Variants in AGBL1 observed in about 807,000 individuals in gnomAD.
AGBL1 encodes the protein AGBL carboxypeptidase 1.
In AGBL1, 130 loss-of-function variants were observed where a neutral mutation model predicts 118.9. That is an observed-to-expected ratio of 1.09 (90% CI 0.95 to 1.26). AGBL1 has a LOEUF of 1.26. AGBL1 is among the 50% of genes most tolerant of loss of function. The probability of loss-of-function intolerance (pLI) is 0.00; values close to 1 mark genes in which losing one functional copy is unlikely to be tolerated. For synonymous variants in AGBL1, 555 were observed against 478.9 expected (o/e 1.16, Z -2.08); for missense variants, 1,584 against 1,298.1 (o/e 1.22, Z -3.38).
intron 21 of AGBL1, among the ~76,000 whole-genome samples, chr15:86,655,154 C>T (rs545287551): frequency 1.6e-4 from 25 of 152,226 alleles, no homozygotes; most frequent in South Asian, 2.1e-4. Flanking sequence ...TTCCAATCTC[C>T]GGAAATGCAT....
At chr15:86,985,290 T>G (rs2141729515) in intron 23 of AGBL1, among the ~76,000 whole-genome samples, 1 of 152,314 alleles carries the variant, frequency 6.6e-6, no homozygotes, top group South Asian at 2.1e-4. Context: ...TGGTAGGTTG[T>G]GTTTAACTTA....
chr15:86,228,011 A>C (rs953583120), intron 6 of AGBL1, among the ~76,000 whole-genome samples: 1 of 152,214 alleles, frequency 6.6e-6, no homozygotes, highest in African/African-American at 2.4e-5. Context: ...AAGTAATAAC[A>C]GCATGCTAGG....
intron 5 of AGBL1, among the ~76,000 whole-genome samples, chr15:86,183,510 C>A (rs2141802083): frequency 6.6e-6 from 1 of 152,206 alleles, no homozygotes; most frequent in South Asian, 2.1e-4. Context: ...TTTCACCACA[C>A]CATGCTGTAG....
At chr15:86,872,878 A>G (rs1372901269) in intron 22 of AGBL1, among the ~76,000 whole-genome samples, 5 of 152,236 alleles carry the variant, frequency 3.3e-5, no homozygotes, top group Admixed American at 6.5e-5. Context: ...ACTTAGTTAT[A>G]TATACACAGC....
At chr15:86,861,905 G>C (rs990874364) in intron 22 of AGBL1, among the ~76,000 whole-genome samples, 2 of 152,184 alleles carry the variant, frequency 1.3e-5, no homozygotes, top group Non-Finnish European at 2.9e-5. Context: ...GATAGCAATA[G>C]CTCATAGACA....
chr15:86,191,668 G>T lies in AGBL1; in HGVS notation c.488+32642G>T, dbSNP rs1023262264. Among the ~76,000 whole-genome samples the T allele has an allele frequency of 4.6e-5, 7 of 151,758 alleles. No individual in the cohort carries two copies. The East Asian group carries it at 9.7e-4, about 21-fold the overall frequency. ...TACCAGAGTGGCCTTAGAAATCCTG[G>T]GTCAGGCATCCTTCACTTGCCTCTG... On this transcript the variant is annotated intron_variant, in intron 5 of 22. Coordinates refer to ENST00000614907, the MANE Select transcript of AGBL1 (RefSeq NM_001386094.1).
chr15:86,827,470 C>CATATATATATATATATATATATATATAT lies in AGBL1; in HGVS notation c.3159-79603_3159-79602insATATATATATATATATATATATATATAT, dbSNP rs1167706343. On this transcript the variant is annotated intron_variant, in intron 22 of 22. Coordinates refer to ENST00000614907, the MANE Select transcript of AGBL1 (RefSeq NM_001386094.1). ...GTGTGTATATATATATATATATATA[C>CATATATATATATATATATATATATATAT]ATATATATATATATGTGTGTATATA... Among the ~76,000 whole-genome samples the CATATATATATATATATATATATATATAT allele has an allele frequency of 3.4e-4, 2 of 5,816 alleles. 1 individual carries two copies. Among genetic ancestry groups the CATATATATATATATATATATATATATAT allele is most frequent in the Non-Finnish European group, 7.2e-4 (2 of 2,788 alleles). The allele number at this position is 5,816 out of a possible 152,430, so 3.8% of individuals were successfully genotyped here. A position where few individuals can be genotyped will look rare whatever the true frequency, so the allele number is the denominator to read the frequency against.
chr15:86,334,607 C>T (rs2080329317), intron 17 of AGBL1, among the ~76,000 whole-genome samples: 1 of 152,044 alleles, frequency 6.6e-6, no homozygotes, highest in African/African-American at 2.4e-5. Context: ...ATTTTCTATG[C>T]TATTCCTATC....
intron 21 of AGBL1, among the ~76,000 whole-genome samples, chr15:86,584,034 TA>T (rs1327347890): frequency 6.6e-6 from 1 of 152,118 alleles, no homozygotes; most frequent in Non-Finnish European, 1.5e-5. Context: ...TTAATGGGGT[TA>T]TTTTTTTGTT....
chr15:86,701,058 C>T (rs774712268), intron 22 of AGBL1, among the ~76,000 whole-genome samples: 3 of 152,142 alleles, frequency 2.0e-5, no homozygotes, highest in African/African-American at 4.8e-5. Context: ...TCCAGGTGCA[C>T]ATTAACAGTT....
chr15:87,030,204 A>G (rs2081770657), downstream of AGBL1, among the ~76,000 whole-genome samples: 1 of 151,962 alleles, frequency 6.6e-6, no homozygotes, highest in Admixed American at 6.6e-5. Context: ...TTTTAGCACA[A>G]TATGCAAGGA....
intron 21 of AGBL1, among the ~76,000 whole-genome samples, chr15:86,624,619 A>G (rs2084857146): frequency 6.6e-6 from 1 of 152,192 alleles, no homozygotes; most frequent in Non-Finnish European, 1.5e-5. Context: ...ACAGTGGAGG[A>G]GCAGTGAGCC....
In AGBL1 at chr15:86,429,081, C is replaced by G. The variant is rs146875752; in HGVS notation, c.2555+31535C>G. Among the ~76,000 whole-genome samples, 296 of 152,348 alleles carry G rather than the reference C, an allele frequency of 1.9e-3. 1 individual carries two copies. The highest frequency in any genetic ancestry group is 3.5e-3 in the Admixed American group (54 of 15,308). ...ATAGACAATATCCTTTCCCTTCGCTCTGCCTCCTCACAAAGACATTCCAAA... is the reference window on the plus strand; with the variant it reads ...ATAGACAATATCCTTTCCCTTCGCTGTGCCTCCTCACAAAGACATTCCAAA... On this transcript the variant is annotated intron_variant, in intron 18 of 22. Transcript: ENST00000614907.
intron 5 of AGBL1, among the ~76,000 whole-genome samples, chr15:86,166,049 C>T (rs1284137866): frequency 6.6e-6 from 1 of 152,088 alleles, no homozygotes; most frequent in Non-Finnish European, 1.5e-5. Context: ...ATCTAAAGTT[C>T]GAAGGTCTTA....
intron 22 of AGBL1, among the ~76,000 whole-genome samples, chr15:86,734,926 T>C (rs2077571606): frequency 6.6e-6 from 1 of 152,092 alleles, no homozygotes; most frequent in Non-Finnish European, 1.5e-5. Flanking sequence ...AGGGAAACCA[T>C]AGTTCCCTCC....
At chr15:86,594,207 A>T (rs543932804) in intron 21 of AGBL1, among the ~76,000 whole-genome samples, 4 of 152,150 alleles carry the variant, frequency 2.6e-5, no homozygotes, top group Non-Finnish European at 5.9e-5. Context: ...CACTGCGTCT[A>T]GCCCTGATTG....
rs112107037 is a variant in AGBL1 at position 86,747,663 on chromosome 15, G to A, written c.3158+73227G>A. ...CCCACAACAGGCCCCAGTGTGTGAT[G>A]TTCCCCTTCCTGTGTCCATGTGTTC... On this transcript the variant is annotated intron_variant, in intron 22 of 22. Transcript: ENST00000614907. Among the ~76,000 whole-genome samples the A allele has an allele frequency of 7.9e-5, 12 of 152,136 alleles. 1 individual carries two copies. Among genetic ancestry groups the A allele is most frequent in the African/African-American group, 2.7e-4 (11 of 41,508 alleles).
At chr15:86,477,342 G>A (rs188294799) in intron 18 of AGBL1, among the ~76,000 whole-genome samples, 115 of 151,894 alleles carry the variant, frequency 7.6e-4, no homozygotes, top group East Asian at 2.5e-3. Flanking sequence ...TAGCAAGACT[G>A]ATAAAGAAGA....
chr15:86,660,482 TGC>T (rs2085521674), intron 21 of AGBL1, among the ~76,000 whole-genome samples: 1 of 152,196 alleles, frequency 6.6e-6, no homozygotes, highest in South Asian at 2.1e-4. Flanking sequence ...AGGGGACGTT[TGC>T]TCAAAAACAG....
Sources: gnomAD v4.1 joint callset for allele counts (sites outside exome capture counted in the v4.1 genomes callset) on GRCh38, gnomAD v4.1.1 for gene constraint, MANE v1.5 for transcripts, NCBI Gene and HGNC (gene_info 2026-07-23, HGNC 2026-07-21) for gene names.